ABCA12: variants seen among roughly 807,000 people sequenced by gnomAD.
The protein encoded by ABCA12 is ATP binding cassette subfamily A member 12, also known as glucosylceramide transporter ABCA12.
A neutral mutation model predicts 293.5 loss-of-function variants in ABCA12; 156 were observed. That is an observed-to-expected ratio of 0.53 (90% CI 0.47 to 0.61). The LOEUF is 0.61. Ranked by LOEUF, ABCA12 falls within the 20% of genes least tolerant of loss-of-function variation. The pLI is 0.00. For missense variants in ABCA12, 2,797 were observed against 3,090.2 expected, an observed-to-expected ratio of 0.91 and a Z score of 2.25; for synonymous variants, 1,063 against 1,108.0, an observed-to-expected ratio of 0.96 and a Z score of 0.81.
chr2:214,972,238 TTC>T (rs1245612826), intron 36 of ABCA12, among the ~76,000 whole-genome samples: 1 of 152,182 alleles, frequency 6.6e-6, no homozygotes, highest in East Asian at 1.9e-4. Flanking sequence ...ATAATTTTTT[TTC>T]TCTCTCAAAA....
At chr2:215,016,383 A>G (rs1477808736) in intron 14 of ABCA12, among the ~76,000 whole-genome samples, 2 of 151,156 alleles carry the variant, frequency 1.3e-5, no homozygotes, top group Middle Eastern at 3.4e-3. Flanking sequence ...GGAAATCAAG[A>G]CCATCCTGGC....
chr2:215,067,051 C>T (rs1701652853), intron 2 of ABCA12, among the ~76,000 whole-genome samples: 1 of 151,982 alleles, frequency 6.6e-6, no homozygotes, highest in Admixed American at 6.6e-5. Flanking sequence ...ATTAAATTTC[C>T]TGTAGCTTTC....
rs1313694734 is a variant in ABCA12, at chr2:214,975,819, G to C, written c.5347C>G (p.Leu1783Val). Residue 1783 changes from leucine (L) to valine (V), a missense_variant, in exon 34 of 53, where the codon CTT (leucine) becomes GTT (valine). Physicochemically the swap from Leu to Val is conservative, Grantham distance 32. Coordinates refer to ENST00000272895, the MANE Select transcript of ABCA12 (RefSeq NM_173076.3). ...SYPEIQISPS[L>V]YGTSEQTAFY... ...GCTGTCTGTTCGGAGGTACCATAAA[G>C]AGAGGGGGAGATCTGAATCTCTGGA... The C allele has an allele frequency of 4.3e-6, 7 of 1,614,000 alleles. No homozygotes were observed. The highest frequency in any genetic ancestry group is 1.1e-5 in the South Asian group (1 of 91,090).
At chr2:215,103,100 C>T (rs1250297724) in intron 2 of ABCA12, among the ~76,000 whole-genome samples, 1 of 152,102 alleles carries the variant, frequency 6.6e-6, no homozygotes, top group Admixed American at 6.6e-5. Context: ...GAATTTTTCA[C>T]ATTGCAATAG....
chr2:215,016,605 A>AAAAAAG (rs1700511061), intron 14 of ABCA12, among the ~76,000 whole-genome samples: 6 of 139,186 alleles, frequency 4.3e-5, no homozygotes, highest in East Asian at 2.1e-4. Flanking sequence ...AAAAAAAAAA[A>AAAAAAG]AAAAAAAAAG....
intron 5 of ABCA12, among the ~76,000 whole-genome samples, chr2:215,051,763 C>T (rs1232350762): frequency 6.6e-6 from 1 of 151,762 alleles, no homozygotes; most frequent in East Asian, 1.9e-4. Context: ...GCACATAAAA[C>T]AGGACTTAAA....
intron 3 of ABCA12, among the ~76,000 whole-genome samples, chr2:215,059,991 T>A (rs955197911): frequency 3.4e-4 from 52 of 152,098 alleles, no homozygotes; most frequent in African/African-American, 1.1e-3. Context: ...GACGACACTC[T>A]TAAAAGCCTC....
In ABCA12 at chr2:214,990,882, G is replaced by A. The variant is rs1164293348; in HGVS notation, c.3444C>T (p.Phe1148=). The A allele has an allele frequency of 3.2e-5, 51 of 1,613,932 alleles. No homozygotes were observed. The highest frequency in any genetic ancestry group is 4.3e-5 in the Non-Finnish European group (51 of 1,179,946). Reference sequence around the variant, plus strand: ...AGAAGCTGTAGTCCGAAAAATACAGGAACAAAATGAACCCATTTGTTTTAG... The same window carrying A: ...AGAAGCTGTAGTCCGAAAAATACAGAAACAAAATGAACCCATTTGTTTTAG... The part of the protein sequence containing the change: ...ILPKTNGFIL[F]LYFSDYSFSV... The change falls in exon 24 of 53, where the codon TTC becomes TTT. Residue 1148 remains phenylalanine (F), a synonymous_variant. Coordinates refer to ENST00000272895, the MANE Select transcript of ABCA12 (RefSeq NM_173076.3).
chr2:214,963,337 C>G (rs1166967169), intron 39 of ABCA12: 2 of 151,904 alleles, frequency 1.3e-5, no homozygotes, highest in East Asian at 3.9e-4. Flanking sequence ...AATTTCTGGA[C>G]ACATATACCC....
chr2:215,116,428 C>A (rs537950815), intron 1 of ABCA12, among the ~76,000 whole-genome samples: 10 of 152,040 alleles, frequency 6.6e-5, no homozygotes, highest in African/African-American at 2.4e-4. Context: ...AGCTTGCTTG[C>A]TTGATTGATA....
chr2:214,955,997 G>C (rs888242522), intron 42 of ABCA12, among the ~76,000 whole-genome samples: 35 of 152,194 alleles, frequency 2.3e-4, no homozygotes, highest in Admixed American at 2.0e-4. Context: ...TAATGACACT[G>C]TTCAAGTCTA....
At chr2:215,073,247 T>C (rs1006537000) in intron 2 of ABCA12, among the ~76,000 whole-genome samples, 16 of 152,194 alleles carry the variant, frequency 1.1e-4, no homozygotes, top group Admixed American at 8.5e-4. Flanking sequence ...AGATTCACGA[T>C]TGCATTTTTA....
intron 20 of ABCA12, among the ~76,000 whole-genome samples, chr2:215,003,611 C>T (rs985935516): frequency 6.6e-6 from 1 of 151,936 alleles, no homozygotes; most frequent in African/African-American, 2.4e-5. Context: ...TTACTTCTAA[C>T]AACCTACCTA....
intron 3 of ABCA12, among the ~76,000 whole-genome samples, chr2:215,058,562 GTC>G (rs1408188598): frequency 6.6e-6 from 1 of 152,016 alleles, no homozygotes; most frequent in Non-Finnish European, 1.5e-5. Context: ...AAACTTAGCT[GTC>G]CACTGAATTC....
intron 2 of ABCA12, among the ~76,000 whole-genome samples, chr2:215,075,109 G>T (rs1214052907): frequency 6.6e-6 from 1 of 152,096 alleles, no homozygotes; most frequent in African/African-American, 2.4e-5. Context: ...GGGAGCTTCA[G>T]TGAAAGTGAT....
intron 15 of ABCA12, among the ~76,000 whole-genome samples, chr2:215,015,001 T>G (rs1045716915): frequency 2.0e-5 from 3 of 152,212 alleles, no homozygotes; most frequent in African/African-American, 7.2e-5. Flanking sequence ...TAACAACCAT[T>G]TGTTTTTCCT....
chr2:215,098,056 GT>G (rs1702283593), intron 2 of ABCA12, among the ~76,000 whole-genome samples: 1 of 152,166 alleles, frequency 6.6e-6, no homozygotes, highest in Admixed American at 6.5e-5. Flanking sequence ...TTTCACAGGA[GT>G]TAGGTTCAAT....
At chr2:215,082,629 G>A (rs1359321731) in intron 2 of ABCA12, 1 of 152,188 alleles carries the variant, frequency 6.6e-6, no homozygotes, top group African/African-American at 2.4e-5. Flanking sequence ...TGCACAGGAA[G>A]GAGGACCAGT....
In ABCA12 at chr2:214,955,288, C is replaced by T. The variant is rs946867157; in HGVS notation, c.6307G>A (p.Val2103Ile). The T allele has an allele frequency of 1.9e-6, 3 of 1,614,118 alleles. No individual in the cohort carries two copies. Among genetic ancestry groups the T allele is most frequent in the Non-Finnish European group, 2.5e-6 (3 of 1,179,986 alleles). Residue 2103 changes from valine (V) to isoleucine (I), a missense_variant, in exon 43 of 53, where the codon GTC becomes ATC. Physicochemically the swap from Val to Ile is conservative, Grantham distance 29 (BLOSUM62 3). Coordinates refer to ENST00000272895, the MANE Select transcript of ABCA12 (RefSeq NM_173076.3). ...ATGCCAAAAAACAAGTTGACACAGACGTAAGTGATGAAGGCCATTCCTGTT... is the reference window on the plus strand; with the variant it reads ...ATGCCAAAAAACAAGTTGACACAGATGTAAGTGATGAAGGCCATTCCTGTT... ...HETGMAFITY[V>I]CVNLFFGINS...
Sources: gnomAD v4.1 joint callset for allele counts (sites outside exome capture counted in the v4.1 genomes callset) on GRCh38, gnomAD v4.1.1 for gene constraint, MANE v1.5 for transcripts, NCBI Gene and HGNC (gene_info 2026-07-23, HGNC 2026-07-21) for gene names.